The following ZNF280D variants were observed in gnomAD, a reference collection of about 807,000 sequenced individuals.
The protein encoded by ZNF280D is zinc finger protein 280D.
A neutral mutation model predicts 94.7 loss-of-function variants in ZNF280D; 39 were observed. The ratio of observed to expected loss-of-function variants is 0.41; its 90% CI spans 0.32 to 0.54. ZNF280D has a LOEUF of 0.54. ZNF280D is among the 20% of genes least tolerant of loss of function. ZNF280D has a pLI of 0.22. For synonymous variants in ZNF280D, 398 were observed against 377.6 expected, an observed-to-expected ratio of 1.05 and a Z score of -0.63; for missense variants, 1,090 against 1,149.3, an observed-to-expected ratio of 0.95 and a Z score of 0.75.
chr15:56,662,827 T>C (rs1315559220), intron 16 of ZNF280D, among the ~76,000 whole-genome samples: 4 of 124,744 alleles, frequency 3.2e-5, no homozygotes, highest in Non-Finnish European at 4.9e-5. Context: ...CAAGACTCTG[T>C]CTCAAAAAAA....
Position 56,669,936 on chromosome 15 carries a change from TTA to T in ZNF280D, c.1411-981_1411-980del, listed in dbSNP as rs1555407587. Among the ~76,000 whole-genome samples, 10 of 3,920 alleles carry T rather than the reference TTA, an allele frequency of 2.6e-3. 1 individual carries two copies. The highest frequency in any genetic ancestry group is 7.7e-3 in the African/African-American group (7 of 910). 2.6% of individuals were successfully genotyped at this position (3,920 alleles called of 152,430 possible). A position where few individuals can be genotyped will look rare whatever the true frequency, so the allele number is the denominator to read the frequency against. On this transcript the variant is annotated intron_variant, in intron 13 of 21. Coordinates refer to ENST00000267807, the MANE Select transcript of ZNF280D (RefSeq NM_017661.4). Reference sequence around the variant, plus strand: ...ATATTATATATATATTATATATATATTATATATATATATTATATATATATATT... The same window carrying T: ...ATATTATATATATATTATATATATATTATATATATATTATATATATATATT...
intron 14 of ZNF280D, among the ~76,000 whole-genome samples, chr15:56,667,191 A>G (rs2054351481): frequency 6.6e-6 from 1 of 152,206 alleles, no homozygotes; most frequent in African/African-American, 2.4e-5. Context: ...ACATTTTTGT[A>G]TTGATATCAG....
chr15:56,719,184 A>C (rs949174133), intron 1 of ZNF280D, among the ~76,000 whole-genome samples: 1 of 152,146 alleles, frequency 6.6e-6, no homozygotes, highest in African/African-American at 2.4e-5. Flanking sequence ...CTCAAACCTC[A>C]GGTTGAAATT....
At chr15:56,715,648 T>C (rs2058001493) in intron 1 of ZNF280D, among the ~76,000 whole-genome samples, 1 of 151,928 alleles carries the variant, frequency 6.6e-6, no homozygotes, top group Non-Finnish European at 1.5e-5. Flanking sequence ...GTTAATTAAA[T>C]AAATAAATGG....
intron 6 of ZNF280D, among the ~76,000 whole-genome samples, chr15:56,697,356 T>C (rs548866666): frequency 6.6e-6 from 1 of 152,180 alleles, no homozygotes; most frequent in South Asian, 2.1e-4. Flanking sequence ...AGCTAACTTT[T>C]TTATTTTTAG....
At chr15:56,669,873 T>TATA (rs1555407406) in intron 13 of ZNF280D, among the ~76,000 whole-genome samples, 7 of 8,484 alleles carry the variant, frequency 8.3e-4, no homozygotes, top group African/African-American at 2.9e-3. Flanking sequence ...TATATATATT[T>TATA]TATATATATA....
chr15:56,647,805 A>T (rs1211558319), intron 19 of ZNF280D, among the ~76,000 whole-genome samples: 1 of 152,208 alleles, frequency 6.6e-6, no homozygotes, highest in Non-Finnish European at 1.5e-5. Context: ...TGCTGGGGTT[A>T]CAGGTGTGAG....
rs75175752 is a variant in ZNF280D, at chr15:56,730,594, G to A, written c.-86+2864C>T. ...CTTCAGAACTTTTCTATTTACCATA[G>A]CTTACTATGGCTAAAATGGTCCTAA... is the stretch of plus-strand genomic sequence containing the variant. On this transcript the variant is annotated intron_variant, in intron 1 of 21. Transcript: ENST00000267807. The A allele has an allele frequency of 5.9e-5, 9 of 152,304 alleles. No homozygotes were observed. The East Asian group carries it at 1.7e-3, about 29-fold the overall frequency. The allele number at this position is 152,304 out of a possible 1,614,324, so 9.4% of individuals were successfully genotyped here.
chr15:56,666,668 TA>T lies in ZNF280D; in HGVS notation c.1853+10del. On this transcript the variant is annotated intron_variant, in intron 15 of 21. Coordinates refer to ENST00000267807, the MANE Select transcript of ZNF280D (RefSeq NM_017661.4). ...TTTAAATTATATTGTATATCAGGAA[TA>T]AAAGATTACCTTAAATTCCTCAATG... 6.3e-7 allele frequency: 1 copy of T among 1,578,282 alleles called. No individual in the cohort carries two copies. The highest frequency in any genetic ancestry group is 8.6e-7 in the Non-Finnish European group (1 of 1,166,324).
intron 17 of ZNF280D, chr15:56,654,938 C>T: frequency 2.7e-6 from 1 of 363,822 alleles, no homozygotes. Context: ...TAATGGTGAA[C>T]AAGAAATAGT....
rs1285250589 is a variant in ZNF280D, at chr15:56,688,740, G to C, written c.780+301C>G. On this transcript the variant is annotated intron_variant, in intron 9 of 21. Coordinates refer to ENST00000267807, the MANE Select transcript of ZNF280D (RefSeq NM_017661.4). ...AAAGTAAATACGTAATAAAATGCCT[G>C]TTTTATAAGACATTTGAAGAGTATG... 6.0e-5 allele frequency: 10 copies of C among 166,848 alleles called. No homozygotes were observed. The East Asian group carries it at 1.6e-3, about 27-fold the overall frequency. The allele number at this position is 166,848 out of a possible 1,614,324, so 10.3% of individuals were successfully genotyped here.
chr15:56,646,809 C>T (rs1460896678), intron 19 of ZNF280D, among the ~76,000 whole-genome samples: 2 of 151,612 alleles, frequency 1.3e-5, no homozygotes, highest in African/African-American at 2.4e-5. Flanking sequence ...GGGAAAGAGG[C>T]AAGGAAGCAA....
In ZNF280D at chr15:56,642,807, T is replaced by C. The variant is rs949346653; in HGVS notation, c.2259+145A>G. ...AGATATTTTTATATGTAATGAAAAATTTTAAATCTCGATTTTTTTTCTTCC... is the reference window on the plus strand; with the variant it reads ...AGATATTTTTATATGTAATGAAAAACTTTAAATCTCGATTTTTTTTCTTCC... On this transcript the variant is annotated intron_variant, in intron 20 of 21. Transcript: ENST00000267807. The C allele has an allele frequency of 1.3e-5, 6 of 474,366 alleles. No homozygotes were observed. In the South Asian group the frequency reaches 3.4e-4, roughly 27 times the overall value. The allele number at this position is 474,366 out of a possible 1,614,324, so 29.4% of individuals were successfully genotyped here.
At chr15:56,730,127 G>A (rs949423042) in intron 1 of ZNF280D, 2 of 151,932 alleles carry the variant, frequency 1.3e-5, no homozygotes, top group African/African-American at 2.4e-5. Flanking sequence ...ACTTTTCCTC[G>A]TATACTGAGG....
At chr15:56,709,753 C>A (rs945682356) in intron 1 of ZNF280D, among the ~76,000 whole-genome samples, 3 of 151,872 alleles carry the variant, frequency 2.0e-5, no homozygotes, top group African/African-American at 7.3e-5. Context: ...CAAACTATCA[C>A]AAGGACAAAA....
intron 3 of ZNF280D, among the ~76,000 whole-genome samples, chr15:56,705,749 T>C (rs141759395): frequency 7.9e-4 from 120 of 152,150 alleles, no homozygotes; most frequent in African/African-American, 2.8e-3. Context: ...ATTTAACATA[T>C]ACGATCTCAA....
intron 1 of ZNF280D, among the ~76,000 whole-genome samples, chr15:56,728,184 C>T (rs1419259446): frequency 2.6e-5 from 4 of 152,070 alleles, no homozygotes; most frequent in South Asian, 2.1e-4. Context: ...CCACTACACC[C>T]GGCTAATTTT....
At chr15:56,683,291 G>A (rs184521401) in intron 9 of ZNF280D, among the ~76,000 whole-genome samples, 7 of 152,128 alleles carry the variant, frequency 4.6e-5, no homozygotes, top group Admixed American at 6.5e-5. Flanking sequence ...CATTGAGAAC[G>A]GCAAAGTATC....
At chr15:56,711,192 C>G (rs1354530831) in intron 1 of ZNF280D, among the ~76,000 whole-genome samples, 1 of 152,196 alleles carries the variant, frequency 6.6e-6, no homozygotes, top group Admixed American at 6.5e-5. Context: ...CCTTGCTTTA[C>G]TGCTTTTTAT....
Sources: allele counts gnomAD v4.1 joint callset (sites outside exome capture counted in the v4.1 genomes callset), GRCh38; gene constraint gnomAD v4.1.1; transcripts MANE v1.5; gene names NCBI Gene and HGNC (gene_info 2026-07-23, HGNC 2026-07-21).